Variants in FGF14 observed in about 807,000 individuals in gnomAD.
The protein encoded by FGF14 is fibroblast growth factor 14.
In FGF14, 5 loss-of-function variants were observed where a neutral mutation model predicts 25.5. The ratio of observed to expected loss-of-function variants is 0.20; its 90% confidence interval spans 0.10 to 0.41. The LOEUF (loss-of-function observed/expected upper bound fraction) is 0.41, where lower values mean the gene tolerates loss of function less well. FGF14 is among the 10% of genes least tolerant of loss of function. FGF14 has a pLI of 1.00. For missense variants in FGF14, 222 were observed against 320.1 expected (o/e 0.69, Z 2.34); for synonymous variants, 138 against 118.3 (o/e 1.17, Z -1.08).
chr13:101,809,257 T>A (rs1164843669), intron 3 of FGF14, among the ~76,000 whole-genome samples: 3 of 152,120 alleles, frequency 2.0e-5, no homozygotes, highest in Non-Finnish European at 4.4e-5. Context: ...AGAACTTAAC[T>A]TGGATTCTAG....
chr13:101,770,203 A>G (rs1159747557), intron 3 of FGF14, among the ~76,000 whole-genome samples: 7 of 152,138 alleles, frequency 4.6e-5, no homozygotes, highest in Admixed American at 4.6e-4. Context: ...CGGAAGAATC[A>G]CTTATGAATT....
Position 101,869,087 on chromosome 13 carries a change from C to G in FGF14, c.305-259G>C, listed in dbSNP as rs549873296. On this transcript the variant is annotated intron_variant, in intron 2 of 4. Transcript: ENST00000376143. ...GGGCTGATGCGACAATAAACAGAACCAAGCCTGTAATCGTGCCTCTAGAAA... is the reference window on the plus strand; with the variant it reads ...GGGCTGATGCGACAATAAACAGAACGAAGCCTGTAATCGTGCCTCTAGAAA... Among the ~76,000 whole-genome samples the G allele has an allele frequency of 1.6e-3, 245 of 152,284 alleles. 1 individual carries two copies. Among genetic ancestry groups the G allele is most frequent in the African/African-American group, 5.7e-3 (238 of 41,586 alleles).
intron 1 of FGF14, among the ~76,000 whole-genome samples, chr13:102,304,630 G>C (rs1200114192): frequency 6.6e-6 from 1 of 152,108 alleles, no homozygotes; most frequent in Non-Finnish European, 1.5e-5. Context: ...GCTGAGATTA[G>C]GCCATAGAAG....
At chr13:102,040,117 A>G (rs2041660282) in intron 1 of FGF14, among the ~76,000 whole-genome samples, 1 of 152,126 alleles carries the variant, frequency 6.6e-6, no homozygotes, top group East Asian at 1.9e-4. Flanking sequence ...TCCGTTCTTC[A>G]AGCCTCTTTC....
intron 1 of FGF14, among the ~76,000 whole-genome samples, chr13:102,105,237 C>A (rs1350680534): frequency 6.6e-6 from 1 of 152,116 alleles, no homozygotes; most frequent in African/African-American, 2.4e-5. Flanking sequence ...CACATTGTGA[C>A]TGAAAGTATT....
intron 1 of FGF14, among the ~76,000 whole-genome samples, chr13:101,990,082 A>G (rs969777371): frequency 6.6e-6 from 1 of 152,136 alleles, no homozygotes; most frequent in African/African-American, 2.4e-5. Flanking sequence ...AAACAATATG[A>G]GTCAAAACTC....
chr13:101,963,236 C>A (rs1326519199), intron 1 of FGF14, among the ~76,000 whole-genome samples: 2 of 152,234 alleles, frequency 1.3e-5, no homozygotes, highest in Non-Finnish European at 2.9e-5. Flanking sequence ...CGTGTTTTCA[C>A]ACTTGTGACT....
intron 1 of FGF14, among the ~76,000 whole-genome samples, chr13:102,214,436 A>G (rs1336449657): frequency 6.6e-6 from 1 of 152,220 alleles, no homozygotes; most frequent in Non-Finnish European, 1.5e-5. Context: ...TTCCTTCCTC[A>G]GGATACATCA....
chr13:101,917,124 C>T (rs2139134043), upstream of FGF14, among the ~76,000 whole-genome samples: 1 of 151,700 alleles, frequency 6.6e-6, no homozygotes, highest in African/African-American at 2.4e-5. Flanking sequence ...GTCCGGGTCG[C>T]GCTGGGCAGG....
At chr13:102,387,744 T>G (rs1053489114) in intron 1 of FGF14, among the ~76,000 whole-genome samples, 3 of 151,918 alleles carry the variant, frequency 2.0e-5, no homozygotes, top group Non-Finnish European at 4.4e-5. Context: ...AGTTTTTGGG[T>G]TTTTTTGAGA....
chr13:102,275,234 T>TTCTCTC (rs938286146), intron 1 of FGF14, among the ~76,000 whole-genome samples: 3 of 67,444 alleles, frequency 4.4e-5, no homozygotes, highest in South Asian at 4.3e-4. Flanking sequence ...TTAGGCAGAT[T>TTCTCTC]TCTCTCTCTC....
intron 1 of FGF14, among the ~76,000 whole-genome samples, chr13:102,014,828 G>A (rs975044574): frequency 6.6e-6 from 1 of 152,124 alleles, no homozygotes; most frequent in Non-Finnish European, 1.5e-5. Flanking sequence ...GATGGAAAGA[G>A]GGCATGAGAA....
intron 1 of FGF14, among the ~76,000 whole-genome samples, chr13:102,208,226 A>C (rs982291044): frequency 6.6e-6 from 1 of 152,234 alleles, no homozygotes; most frequent in Non-Finnish European, 1.5e-5. Flanking sequence ...ATCTGTAATC[A>C]GAAAGCAATG....
At chr13:102,236,844 T>C (rs910503889) in intron 1 of FGF14, among the ~76,000 whole-genome samples, 1 of 152,080 alleles carries the variant, frequency 6.6e-6, no homozygotes, top group Non-Finnish European at 1.5e-5. Context: ...GCAGGGTGAT[T>C]CCCTTCACTC....
chr13:102,054,622 C>A (rs780278775), intron 1 of FGF14, among the ~76,000 whole-genome samples: 2 of 152,148 alleles, frequency 1.3e-5, no homozygotes, highest in African/African-American at 2.4e-5. Context: ...GTGGCATCAG[C>A]TACTATCCAC....
intron 1 of FGF14, among the ~76,000 whole-genome samples, chr13:102,066,723 T>G (rs1182120646): frequency 1.3e-5 from 2 of 152,214 alleles, no homozygotes; most frequent in Non-Finnish European, 2.9e-5. Context: ...TTTCTCTAAC[T>G]AAGTGATAAT....
intron 3 of FGF14, among the ~76,000 whole-genome samples, chr13:101,775,129 A>T (rs2039022559): frequency 6.6e-6 from 1 of 152,186 alleles, no homozygotes; most frequent in Non-Finnish European, 1.5e-5. Context: ...AATAAAAATA[A>T]TTGCAGATTA....
intron 1 of FGF14, among the ~76,000 whole-genome samples, chr13:101,955,678 T>A (rs952976469): frequency 6.6e-6 from 1 of 152,232 alleles, no homozygotes; most frequent in Non-Finnish European, 1.5e-5. Flanking sequence ...AGAAACTATG[T>A]GGACAGCTGA....
chr13:101,951,749 A>G (rs932425920), intron 1 of FGF14, among the ~76,000 whole-genome samples: 4 of 152,194 alleles, frequency 2.6e-5, no homozygotes, highest in Non-Finnish European at 5.9e-5. Context: ...AATCTAATTA[A>G]TAATTATGTG....
Sources: gnomAD v4.1 joint callset for allele counts (sites outside exome capture counted in the v4.1 genomes callset) on GRCh38, gnomAD v4.1.1 for gene constraint, MANE v1.5 for transcripts, NCBI Gene and HGNC (gene_info 2026-07-23, HGNC 2026-07-21) for gene names.